The following DTWD2 variants were observed in gnomAD, a reference collection of about 807,000 sequenced individuals.
DTWD2 encodes DTW motif tRNA-uridine aminocarboxypropyltransferase 2.
DTWD2 carries 39 observed loss-of-function variants against 31.8 expected under a neutral mutation model. The ratio of observed to expected loss-of-function variants is 1.22; its 90% CI spans 0.95 to 1.60. The LOEUF (loss-of-function observed/expected upper bound fraction) is 1.60, where lower values mean the gene tolerates loss of function less well. Ranked by LOEUF, DTWD2 falls within the 40% of genes most tolerant of loss-of-function variation. The pLI, the probability that DTWD2 is intolerant of heterozygous loss-of-function variation, is 0.00. For missense variants in DTWD2, 515 were observed against 381.5 expected, an observed-to-expected ratio of 1.35 and a Z score of -2.92; for synonymous variants, 180 against 142.8, an observed-to-expected ratio of 1.26 and a Z score of -1.86.
intron 5 of DTWD2, among the ~76,000 whole-genome samples, chr5:118,842,304 A>G (rs1751736894): frequency 6.6e-6 from 1 of 152,214 alleles, no homozygotes; most frequent in African/African-American, 2.4e-5. Flanking sequence ...AATCTATCCA[A>G]GAAGATGTAA....
intron 1 of DTWD2, among the ~76,000 whole-genome samples, chr5:118,952,919 A>G (rs1754498101): frequency 6.6e-6 from 1 of 152,118 alleles, no homozygotes; most frequent in Non-Finnish European, 1.5e-5. Context: ...GATTCCTATT[A>G]ATACTTCCAT....
chr5:118,882,048 C>T (rs1007228482), intron 4 of DTWD2, among the ~76,000 whole-genome samples: 2 of 152,206 alleles, frequency 1.3e-5, no homozygotes, highest in African/African-American at 2.4e-5. Flanking sequence ...GAGACAAGTA[C>T]CTTCCGCCTA....
intron 4 of DTWD2, among the ~76,000 whole-genome samples, chr5:118,909,554 C>G (rs1166285652): frequency 1.3e-5 from 2 of 152,220 alleles, no homozygotes; most frequent in Non-Finnish European, 1.5e-5. Flanking sequence ...GCAGCCACCC[C>G]ACACATGTCC....
At position 118,988,322 on chromosome 5, in the gene DTWD2, C is replaced by T. The variant is rs1421289483; in HGVS notation, c.190G>A (p.Glu64Lys). Residue 64 changes from glutamate to lysine, a missense_variant, in exon 1 of 6, where the codon GAG (glutamate) becomes AAG (lysine). Glu to Lys is a moderately conservative substitution (Grantham distance 56, BLOSUM62 1). Transcript: ENST00000510708. ...CAGCGGGTGCACTCAGGCCTCCGCT[C>T]GGCCGGCTCCACCGGCAGCTCCCAC... ...GLWELPVEPA[E>K]RRPECTRCSR... The T allele has an allele frequency of 3.3e-6, 5 of 1,535,652 alleles. No homozygotes were observed. Among genetic ancestry groups the T allele is most frequent in the Admixed American group, 4.1e-5 (2 of 49,370 alleles).
At position 118,840,874 on chromosome 5, in the gene DTWD2, G is replaced by A. The variant is rs1257312461; in HGVS notation, c.*43C>T. The A allele has an allele frequency of 2.5e-6, 4 of 1,583,044 alleles. No homozygotes were observed. The African/African-American group carries it at 5.4e-5, about 22-fold the overall frequency. On this transcript the variant is annotated 3_prime_UTR_variant, in exon 6 of 6. Coordinates refer to ENST00000510708, the MANE Select transcript of DTWD2 (RefSeq NM_173666.4). ...CTATATGAAAACTTAATTTGGTATTGTTAGATGAAGACAGTTAAGCTAGCA... is the reference window on the plus strand; with the variant it reads ...CTATATGAAAACTTAATTTGGTATTATTAGATGAAGACAGTTAAGCTAGCA...
intron 4 of DTWD2, among the ~76,000 whole-genome samples, chr5:118,901,243 T>G (rs1753204912): frequency 6.6e-6 from 1 of 152,150 alleles, no homozygotes; most frequent in African/African-American, 2.4e-5. Context: ...ATGGTAATAT[T>G]CTAAATAGTA....
chr5:118,974,149 C>T (rs897884845), intron 1 of DTWD2: 177 of 1,545,468 alleles, frequency 1.1e-4, no homozygotes, highest in South Asian at 3.9e-4. Flanking sequence ...AAAAGTTAAA[C>T]TAAAAAAAAA....
chr5:118,864,735 G>T (rs1752345693), intron 4 of DTWD2, among the ~76,000 whole-genome samples: 1 of 151,526 alleles, frequency 6.6e-6, no homozygotes, highest in African/African-American at 2.4e-5. Flanking sequence ...AGAAACGGAT[G>T]CTATTAAAAA....
chr5:118,956,892 T>C (rs1207294969), intron 1 of DTWD2, among the ~76,000 whole-genome samples: 1 of 149,916 alleles, frequency 6.7e-6, no homozygotes, highest in Admixed American at 6.6e-5. Context: ...AATTTTCCAA[T>C]TTTAAAACTG....
chr5:118,837,284 A>G lies in DTWD2; in HGVS notation c.*3633T>C, dbSNP rs1751595237. 6.6e-6 allele frequency: 1 copy of G among 152,194 alleles called. No homozygotes were observed. The highest frequency in any genetic ancestry group is 1.5e-5 in the Non-Finnish European group (1 of 68,020). 9.4% of individuals were successfully genotyped at this position (152,194 alleles called of 1,614,324 possible). A position where few individuals can be genotyped will look rare whatever the true frequency, so the allele number is the denominator to read the frequency against. ...GAGTAATTCATTCTACAAAAAGCCTACTTATGGGGCAAATTAAATGCAAAG... is the reference window on the plus strand; with the variant it reads ...GAGTAATTCATTCTACAAAAAGCCTGCTTATGGGGCAAATTAAATGCAAAG... On this transcript the variant is annotated 3_prime_UTR_variant, in exon 6 of 6. Transcript: ENST00000510708.
chr5:118,870,848 C>A (rs769641343), intron 4 of DTWD2, among the ~76,000 whole-genome samples: 6 of 151,708 alleles, frequency 4.0e-5, no homozygotes, highest in Non-Finnish European at 8.8e-5. Context: ...TTCTTTTTTT[C>A]CACAGTAAAC....
chr5:118,860,908 T>C (rs963375050), intron 4 of DTWD2, among the ~76,000 whole-genome samples: 2 of 152,222 alleles, frequency 1.3e-5, no homozygotes, highest in African/African-American at 4.8e-5. Context: ...GCAAATTTTT[T>C]TCCTGGTTTA....
At chr5:118,923,443 G>A (rs1000742621) in intron 4 of DTWD2, among the ~76,000 whole-genome samples, 3 of 152,100 alleles carry the variant, frequency 2.0e-5, no homozygotes, top group Non-Finnish European at 4.4e-5. Flanking sequence ...ATACACCACC[G>A]GAAAAAGGGA....
At chr5:118,944,041 T>C (rs762710757) in intron 2 of DTWD2, among the ~76,000 whole-genome samples, 4 of 152,358 alleles carry the variant, frequency 2.6e-5, no homozygotes, top group Middle Eastern at 3.4e-3. Flanking sequence ...CTGGCACATA[T>C]GTATTTTACC....
At chr5:118,878,075 GGCAT>G (rs2149552877) in intron 4 of DTWD2, among the ~76,000 whole-genome samples, 1 of 151,750 alleles carries the variant, frequency 6.6e-6, no homozygotes, top group East Asian at 1.9e-4. Flanking sequence ...CATTAAAATG[GGCAT>G]ACTACCCAAA....
chr5:118,939,426 A>C, intron 2 of DTWD2, 136 bp from the exon 3 acceptor site: 1 of 689,940 alleles, frequency 1.4e-6, no homozygotes, highest in Non-Finnish European at 2.2e-6. Context: ...CAGTTTAATA[A>C]AAAGAGGTAA....
chr5:118,954,475 G>A (rs902916739), intron 1 of DTWD2, among the ~76,000 whole-genome samples: 19 of 152,126 alleles, frequency 1.2e-4, no homozygotes, highest in African/African-American at 4.6e-4. Flanking sequence ...CCCAGCACCT[G>A]GCATAGTAGG....
intron 4 of DTWD2, among the ~76,000 whole-genome samples, chr5:118,885,314 G>A (rs1752836787): frequency 1.3e-5 from 2 of 151,756 alleles, no homozygotes. Context: ...TTAGCTGGGT[G>A]TGGTGGCGGG....
chr5:118,851,839 TAAAAAAAAAA>T (rs200893015), intron 4 of DTWD2, among the ~76,000 whole-genome samples: 1 of 124,454 alleles, frequency 8.0e-6, no homozygotes, highest in Non-Finnish European at 1.8e-5. Context: ...TAAAGTATAA[TAAAAAAAAAA>T]AAAAGAAAAA....
Sources: gnomAD v4.1 joint callset for allele counts (sites outside exome capture counted in the v4.1 genomes callset) on GRCh38, gnomAD v4.1.1 for gene constraint, MANE v1.5 for transcripts, NCBI Gene and HGNC (gene_info 2026-07-23, HGNC 2026-07-21) for gene names.